Variants in TFCP2 observed in about 807,000 individuals in gnomAD.
TFCP2 encodes alpha-globin transcription factor CP2.
TFCP2 carries 33 observed loss-of-function variants against 73.4 expected under a neutral mutation model. The ratio of observed to expected loss-of-function variants is 0.45; its 90% CI spans 0.34 to 0.60. TFCP2 has a LOEUF of 0.60. TFCP2 is among the 20% of genes least tolerant of loss of function. TFCP2 has a pLI of 0.01. For missense variants in TFCP2, 352 were observed against 604.0 expected (o/e 0.58, Z 4.37); for synonymous variants, 193 against 211.6 (o/e 0.91, Z 0.76).
At chr12:51,115,274 C>T (rs1179823781) in intron 4 of TFCP2, among the ~76,000 whole-genome samples, 1 of 151,844 alleles carries the variant, frequency 6.6e-6, no homozygotes, top group Admixed American at 6.6e-5. Context: ...CGCCCGCCAC[C>T]ACGCCCAGCT....
intron 1 of TFCP2, among the ~76,000 whole-genome samples, chr12:51,145,426 T>G (rs370941139): frequency 6.9e-6 from 1 of 145,398 alleles, no homozygotes; most frequent in South Asian, 2.3e-4. Context: ...ATTAGCCGGG[T>G]GTGGTGGTAC....
At position 51,151,658 on chromosome 12, in the gene TFCP2, G is replaced by C. The variant is rs549600540; in HGVS notation, c.122+20643C>G. Among the ~76,000 whole-genome samples, 227 of 152,014 alleles carry C rather than the reference G, an allele frequency of 1.5e-3. 1 individual carries two copies. Among genetic ancestry groups the C allele is most frequent in the African/African-American group, 5.2e-3 (214 of 41,456 alleles). On this transcript the variant is annotated intron_variant, in intron 1 of 14. Coordinates refer to ENST00000257915, the MANE Select transcript of TFCP2 (RefSeq NM_005653.5). ...TCACCGTGTTAGCCAGGATGCTCTC[G>C]ATCTCCTGACCTTGTGATCCGCCCG...
intron 1 of TFCP2, among the ~76,000 whole-genome samples, chr12:51,131,320 G>A (rs1940940075): frequency 7.7e-6 from 1 of 129,194 alleles, no homozygotes. Context: ...GGGTGACAGA[G>A]CAAGACTGTC....
chr12:51,132,980 CATT>C (rs1182169400), intron 1 of TFCP2, among the ~76,000 whole-genome samples: 3 of 152,164 alleles, frequency 2.0e-5, no homozygotes, highest in Admixed American at 6.5e-5. Context: ...CATGAGATGT[CATT>C]GTTGTTTGAG....
chr12:51,154,100 TACA>T (rs1377894741), intron 1 of TFCP2, among the ~76,000 whole-genome samples: 2 of 152,198 alleles, frequency 1.3e-5, no homozygotes, highest in Admixed American at 1.3e-4. Context: ...TGTATGTACT[TACA>T]ACATTTTGCT....
intron 5 of TFCP2, among the ~76,000 whole-genome samples, chr12:51,109,796 G>A (rs989155113): frequency 3.4e-5 from 5 of 148,812 alleles, no homozygotes; most frequent in Non-Finnish European, 7.4e-5. Flanking sequence ...TCGGCTCACC[G>A]CAACCTCCAC....
At chr12:51,154,027 G>T (rs1191380120) in intron 1 of TFCP2, among the ~76,000 whole-genome samples, 1 of 97,752 alleles carries the variant, frequency 1.0e-5, no homozygotes. Flanking sequence ...CTACATTCTT[G>T]CCAACACCTG....
intron 1 of TFCP2, among the ~76,000 whole-genome samples, chr12:51,143,097 C>A (rs1941224842): frequency 6.6e-6 from 1 of 151,984 alleles, no homozygotes; most frequent in Non-Finnish European, 1.5e-5. Flanking sequence ...ATTTTTGGCT[C>A]TTCTCTTTCT....
chr12:51,108,367 G>GT (rs1566202977), intron 6 of TFCP2, among the ~76,000 whole-genome samples: 5 of 152,144 alleles, frequency 3.3e-5, no homozygotes, highest in Admixed American at 6.5e-5. Context: ...GGAAGAGGTT[G>GT]TGGAGGGGGT....
At chr12:51,120,341 C>T (rs1056914672) in intron 1 of TFCP2, among the ~76,000 whole-genome samples, 1 of 151,954 alleles carries the variant, frequency 6.6e-6, no homozygotes, top group Non-Finnish European at 1.5e-5. Flanking sequence ...ATGAATCTCA[C>T]AGATATAATG....
intron 6 of TFCP2, 89 bp from the exon 7 acceptor site, chr12:51,107,435 A>G: frequency 9.5e-7 from 1 of 1,051,494 alleles, no homozygotes; most frequent in Non-Finnish European, 1.4e-6. Context: ...TCATGTATGA[A>G]ACAAAATTGT....
chr12:51,095,410 G>A (rs958051422), intron 14 of TFCP2, 132 bp from the exon 15 acceptor site: 56 of 886,644 alleles, frequency 6.3e-5, no homozygotes, highest in Non-Finnish European at 7.8e-5. Context: ...CTGAGATCAC[G>A]CCACTGGACT....
intron 2 of TFCP2, 116 bp from the exon 3 acceptor site, chr12:51,117,863 G>T (rs961271605): frequency 4.6e-6 from 3 of 649,558 alleles, no homozygotes; most frequent in Non-Finnish European, 7.8e-6. Flanking sequence ...ATTAGTATTA[G>T]TAACAACAAT....
chr12:51,160,565 T>C (rs1941626894), intron 1 of TFCP2, among the ~76,000 whole-genome samples: 2 of 152,048 alleles, frequency 1.3e-5, no homozygotes, highest in African/African-American at 4.8e-5. Flanking sequence ...TGAGTGTGTG[T>C]GCGCGCATAC....
intron 1 of TFCP2, among the ~76,000 whole-genome samples, chr12:51,120,295 A>G (rs973224975): frequency 1.3e-5 from 2 of 152,172 alleles, no homozygotes; most frequent in Non-Finnish European, 2.9e-5. Context: ...TATCCATACA[A>G]TGGACTACTC....
intron 1 of TFCP2, among the ~76,000 whole-genome samples, chr12:51,168,374 C>G (rs1941795281): frequency 6.6e-6 from 1 of 151,820 alleles, no homozygotes; most frequent in South Asian, 2.1e-4. Context: ...CCACTACACT[C>G]CAGCCTTGGC....
At chr12:51,112,245 T>C (rs1342931299) in intron 4 of TFCP2, among the ~76,000 whole-genome samples, 1 of 152,210 alleles carries the variant, frequency 6.6e-6, no homozygotes, top group Non-Finnish European at 1.5e-5. Context: ...ATATAATGCA[T>C]AGTGATCAGA....
chr12:51,166,196 T>A (rs1233925444), intron 1 of TFCP2, among the ~76,000 whole-genome samples: 2 of 151,104 alleles, frequency 1.3e-5, no homozygotes, highest in African/African-American at 4.9e-5. Context: ...GTGCCTGTAA[T>A]CCCAGCTACT....
chr12:51,164,597 GA>G (rs34452012), intron 1 of TFCP2, among the ~76,000 whole-genome samples: 2,014 of 99,288 alleles, frequency 0.02, 41 homozygotes, highest in African/African-American at 0.07. Context: ...ACTCCATCTC[GA>G]AAAAAAAAAA....
Sources: gnomAD v4.1 joint callset for allele counts (sites outside exome capture counted in the v4.1 genomes callset) on GRCh38, gnomAD v4.1.1 for gene constraint, MANE v1.5 for transcripts, NCBI Gene and HGNC (gene_info 2026-07-23, HGNC 2026-07-21) for gene names.